GUCY1A2: variants seen among roughly 807,000 people sequenced by gnomAD.
GUCY1A2 encodes the protein guanylate cyclase soluble subunit alpha-2.
A neutral mutation model predicts 63.5 loss-of-function variants in GUCY1A2; 27 were observed. The ratio of observed to expected loss-of-function variants is 0.43; its 90% CI spans 0.31 to 0.59. The LOEUF is 0.59. Ranked by LOEUF, GUCY1A2 falls within the 20% of genes least tolerant of loss-of-function variation. GUCY1A2 has a pLI of 0.11. For missense variants in GUCY1A2, 768 were observed against 913.3 expected (o/e 0.84, Z 2.05); for synonymous variants, 364 against 343.5 (o/e 1.06, Z -0.66).
chr11:106,965,473 G>A lies in GUCY1A2; in HGVS notation c.487+13146C>T, dbSNP rs12279909. On this transcript the variant is annotated intron_variant, in intron 3 of 7. Coordinates refer to ENST00000526355, the MANE Select transcript of GUCY1A2 (RefSeq NM_000855.3). ...CATATATGTGTATGTGTGTGTATAT[G>A]GAGAAAAAGAAAACAACAGCAAGAG... is the stretch of plus-strand genomic sequence containing the variant. Among the ~76,000 whole-genome samples the A allele has an allele frequency of 8.2e-3, 1,251 of 152,196 alleles. 12 individuals carry two copies. Among genetic ancestry groups the A allele is most frequent in the African/African-American group, 0.028 (1,162 of 41,522 alleles).
intron 1 of GUCY1A2, among the ~76,000 whole-genome samples, chr11:107,005,986 G>A (rs1257158596): frequency 1.3e-5 from 2 of 152,128 alleles, no homozygotes; most frequent in Middle Eastern, 3.2e-3. Context: ...TTAGCTAAAG[G>A]CACCAAAATC....
chr11:106,744,045 G>A (rs1863742454), intron 6 of GUCY1A2, among the ~76,000 whole-genome samples: 1 of 152,112 alleles, frequency 6.6e-6, no homozygotes, highest in African/African-American at 2.4e-5. Flanking sequence ...GACCATGGAT[G>A]TATAACATAC....
chr11:106,832,709 C>T (rs1469013390), intron 4 of GUCY1A2, among the ~76,000 whole-genome samples: 2 of 152,096 alleles, frequency 1.3e-5, no homozygotes, highest in East Asian at 3.9e-4. Context: ...GAATGTTTTC[C>T]TGACATCTTT....
intron 3 of GUCY1A2, among the ~76,000 whole-genome samples, chr11:106,952,670 A>C (rs1229307244): frequency 6.7e-6 from 1 of 149,896 alleles, no homozygotes; most frequent in African/African-American, 2.4e-5. Context: ...TTTTCTTTTT[A>C]AACAGAGTCT....
intron 4 of GUCY1A2, 24 bp from the exon 5 acceptor site, chr11:106,810,502 G>T (rs1036698833): frequency 2.5e-6 from 4 of 1,571,566 alleles, no homozygotes; most frequent in Admixed American, 3.6e-5. Context: ...ATGGAATTTT[G>T]ATCAGTACTC....
intron 3 of GUCY1A2, among the ~76,000 whole-genome samples, chr11:106,977,200 C>T (rs1023455700): frequency 6.6e-6 from 1 of 152,144 alleles, no homozygotes; most frequent in African/African-American, 2.4e-5. Context: ...AGTGTGGCAT[C>T]ATCACCCCAC....
intron 1 of GUCY1A2, among the ~76,000 whole-genome samples, chr11:107,014,870 A>T (rs1380945443): frequency 2.0e-5 from 3 of 152,182 alleles, no homozygotes; most frequent in Non-Finnish European, 4.4e-5. Context: ...TTCCCATCTA[A>T]AAAGGCTCTG....
intron 5 of GUCY1A2, 38 bp downstream of exon 5, chr11:106,809,955 T>TA (rs759164543): frequency 1.5e-6 from 2 of 1,340,160 alleles, no homozygotes; most frequent in South Asian, 2.9e-5. Flanking sequence ...AATTTACTAT[T>TA]AAAAAACATT....
chr11:106,761,654 T>C (rs1175037384), intron 6 of GUCY1A2, among the ~76,000 whole-genome samples: 1 of 152,202 alleles, frequency 6.6e-6, no homozygotes, highest in Non-Finnish European at 1.5e-5. Context: ...CAGGAATTAG[T>C]AATTTTGGAG....
At chr11:106,862,621 C>A (rs1270251831) in intron 4 of GUCY1A2, among the ~76,000 whole-genome samples, 1 of 152,038 alleles carries the variant, frequency 6.6e-6, no homozygotes, top group Non-Finnish European at 1.5e-5. Context: ...GTGATAATTG[C>A]TGTCTTCCTT....
At chr11:106,929,294 AT>A (rs1324316164) in intron 4 of GUCY1A2, among the ~76,000 whole-genome samples, 6 of 152,166 alleles carry the variant, frequency 3.9e-5, no homozygotes, top group Non-Finnish European at 4.4e-5. Flanking sequence ...TCAAGTTTTC[AT>A]TGCATTTTGA....
chr11:106,985,937 C>A, intron 2 of GUCY1A2, 133 bp downstream of exon 2: 2 of 652,674 alleles, frequency 3.1e-6, no homozygotes, highest in South Asian at 1.9e-5. Context: ...GCCTTCACGC[C>A]CCACACTATG....
At chr11:106,830,812 T>G (rs1361068825) in intron 4 of GUCY1A2, among the ~76,000 whole-genome samples, 1 of 152,184 alleles carries the variant, frequency 6.6e-6, no homozygotes, top group East Asian at 1.9e-4. Flanking sequence ...CAATGAAGTT[T>G]AAATGAAATA....
intron 6 of GUCY1A2, among the ~76,000 whole-genome samples, chr11:106,744,399 A>G (rs1293842273): frequency 6.6e-6 from 1 of 152,024 alleles, no homozygotes; most frequent in African/African-American, 2.4e-5. Flanking sequence ...GGCACCCACC[A>G]CCACACCCGG....
chr11:106,694,378 G>A (rs1862678872), intron 7 of GUCY1A2, among the ~76,000 whole-genome samples: 1 of 152,138 alleles, frequency 6.6e-6, no homozygotes, highest in Admixed American at 6.5e-5. Context: ...TAGTAATAAA[G>A]TTCTACAAAA....
chr11:106,939,794 AAAGT>A lies in GUCY1A2; in HGVS notation c.868_871del (p.Thr290SerfsTer12), dbSNP rs1227552203. On this transcript the variant is annotated frameshift_variant, in exon 4 of 8. Transcript: ENST00000526355. LOFTEE classifies it high-confidence loss of function. ...AGTATTTTCACATTCTTTGATAAGG[AAAGT>A]AAGACAGCTACAATTGCCTGGGTTT... The A allele has an allele frequency of 6.2e-7, 1 of 1,613,824 alleles. No individual in the cohort carries two copies. The highest frequency in any genetic ancestry group is 8.5e-7 in the Non-Finnish European group (1 of 1,179,796).
chr11:106,913,986 C>CAAAAAAAAAAAAAAAAAAA (rs11325847), intron 4 of GUCY1A2, among the ~76,000 whole-genome samples: 4 of 71,184 alleles, frequency 5.6e-5, no homozygotes, highest in African/African-American at 1.2e-4. Flanking sequence ...AATGAAAAAG[C>CAAAAAAAAAAAAAAAAAAA]AAAAAAAAAA....
intron 5 of GUCY1A2, among the ~76,000 whole-genome samples, chr11:106,780,584 C>A (rs1009494252): frequency 6.6e-5 from 10 of 152,290 alleles, no homozygotes; most frequent in Non-Finnish European, 1.5e-4. Context: ...TACAGGAGCT[C>A]TTAAAGCTTC....
At chr11:106,856,733 A>G (rs1859441659) in intron 4 of GUCY1A2, among the ~76,000 whole-genome samples, 1 of 152,144 alleles carries the variant, frequency 6.6e-6, no homozygotes, top group Non-Finnish European at 1.5e-5. Context: ...CACGGTGTGC[A>G]TTGTACTGAA....
Sources: gnomAD v4.1 joint callset for allele counts (sites outside exome capture counted in the v4.1 genomes callset) on GRCh38, gnomAD v4.1.1 for gene constraint, MANE v1.5 for transcripts, NCBI Gene and HGNC (gene_info 2026-07-23, HGNC 2026-07-21) for gene names.